The following LIFR variants were observed in gnomAD, a reference collection of about 807,000 sequenced individuals.
The protein encoded by LIFR is LIF receptor subunit alpha, also known as leukemia inhibitory factor receptor.
Under a neutral mutation model 122.2 loss-of-function variants are expected in LIFR, and 84 were observed. The ratio of observed to expected loss-of-function variants is 0.69; its 90% CI spans 0.58 to 0.82. The LOEUF (loss-of-function observed/expected upper bound fraction) is 0.82. Among genes scored for constraint, LIFR ranks in the 40% least tolerant of loss-of-function variants. The pLI, the probability that LIFR is intolerant of heterozygous loss-of-function variation, is 0.00. For synonymous variants in LIFR, 422 were observed against 434.7 expected (o/e 0.97, Z 0.36); for missense variants, 1,294 against 1,311.6 (o/e 0.99, Z 0.21).
chr5:38,601,888 C>T (rs1307205646), intron 2 of LIFR, among the ~76,000 whole-genome samples: 5 of 152,128 alleles, frequency 3.3e-5, no homozygotes, highest in African/African-American at 7.2e-5. Context: ...TTCTCTTCTC[C>T]CCAAGCTGAC....
intron 1 of LIFR, among the ~76,000 whole-genome samples, chr5:38,539,030 G>A (rs1747441877): frequency 2.0e-5 from 3 of 151,792 alleles, no homozygotes; most frequent in African/African-American, 2.4e-5. Context: ...GCGCGATCTC[G>A]GCTCACTGCA....
upstream of LIFR, among the ~76,000 whole-genome samples, chr5:38,598,004 G>T (rs1409615501): frequency 6.6e-6 from 1 of 151,690 alleles, no homozygotes; most frequent in South Asian, 2.1e-4. Context: ...GTCTAAAAAG[G>T]CTCCTTAGGA....
At chr5:38,504,234 A>G (rs1745332818) in intron 9 of LIFR, 113 bp from the exon 10 acceptor site, 1 of 723,572 alleles carries the variant, frequency 1.4e-6, no homozygotes, top group South Asian at 1.6e-5. Flanking sequence ...AGTGCTGACC[A>G]ACAACATCCT....
At chr5:38,544,839 C>A (rs780135684) in intron 1 of LIFR, among the ~76,000 whole-genome samples, 4 of 151,990 alleles carry the variant, frequency 2.6e-5, no homozygotes, top group Non-Finnish European at 4.4e-5. Context: ...AGCGCTATAG[C>A]CCCCAAGAGC....
intron 2 of LIFR, 29 bp from the exon 3 acceptor site, chr5:38,528,869 CACACACACAGACACACAT>C: frequency 3.5e-6 from 2 of 568,934 alleles, no homozygotes; most frequent in Non-Finnish European, 5.3e-6. Flanking sequence ...CACACACACA[CACACACACAGACACACAT>C]AAACACAGAA....
In LIFR at chr5:38,523,480, C is replaced by A. The variant is rs749292272; in HGVS notation, c.500G>T (p.Arg167Leu). The A allele has an allele frequency of 3.7e-6, 6 of 1,613,196 alleles. No homozygotes were observed. Among genetic ancestry groups the A allele is most frequent in the Non-Finnish European group, 8.5e-7 (1 of 1,179,614 alleles). Residue 167 changes from arginine to leucine, a missense_variant, in exon 5 of 20, where the codon CGC becomes CTC. Coordinates refer to ENST00000453190, the MANE Select transcript of LIFR (RefSeq NM_001127671.2). Reference protein sequence around the residue: ...WNDRGSVFPHRSNVIWEIKVL... With the variant: ...WNDRGSVFPHLSNVIWEIKVL... ...TTTAATTTCCCAGATAACATTTGAG[C>A]GGTGTGGAAAAACTGAACCCCTGTC... is the stretch of plus-strand genomic sequence containing the variant.
chr5:38,499,582 AC>A lies in LIFR; in HGVS notation c.1601del (p.Ser534IlefsTer19). On this transcript the variant is annotated frameshift_variant and splice_region_variant, in exon 12 of 20. Transcript: ENST00000453190. LOFTEE classifies it high-confidence loss of function. ...NKKQHLTTEA[S>X]PSKGPDTWRE... ...TCCAAGTATCAGGCCCCTTTGAAGG[AC>A]CTAAAAAGGAGATTTTAAAGTTAAT... The A allele has an allele frequency of 1.2e-6, 2 of 1,602,580 alleles. No homozygotes were observed. The highest frequency in any genetic ancestry group is 2.2e-5 in the South Asian group (2 of 90,840).
In LIFR at chr5:38,504,032, T is replaced by G; in HGVS notation, c.1381A>C (p.Lys461Gln). Residue 461 changes from lysine to glutamine, a missense_variant, in exon 10 of 20, where the codon AAG (lysine) becomes CAG (glutamine). By Grantham distance (53) the Lys-to-Gln change is moderately conservative. Transcript: ENST00000453190. ...LSWHLPGNFA[K>Q]INFLCEIEIK... Reference sequence around the variant, plus strand: ...TCAATTTCACATAAAAAATTAATCTTTGCAAAGTTGCCTGGTAAATGCCAA... The same window carrying G: ...TCAATTTCACATAAAAAATTAATCTGTGCAAAGTTGCCTGGTAAATGCCAA... 6.3e-7 allele frequency: 1 copy of G among 1,591,638 alleles called. No individual in the cohort carries two copies. The highest frequency in any genetic ancestry group is 8.6e-7 in the Non-Finnish European group (1 of 1,159,780).
At chr5:38,543,106 A>C (rs1288940143) in intron 1 of LIFR, among the ~76,000 whole-genome samples, 2 of 152,262 alleles carry the variant, frequency 1.3e-5, no homozygotes, top group East Asian at 3.9e-4. Context: ...CATACTAAGA[A>C]ATATAAATAG....
At chr5:38,569,851 T>G (rs1749153200) in intron 1 of LIFR, among the ~76,000 whole-genome samples, 1 of 152,230 alleles carries the variant, frequency 6.6e-6, no homozygotes, top group Admixed American at 6.5e-5. Context: ...TAATATTCAT[T>G]TCATTCTGCC....
At chr5:38,529,520 A>G (rs1043403685) in intron 2 of LIFR, among the ~76,000 whole-genome samples, 3 of 152,182 alleles carry the variant, frequency 2.0e-5, no homozygotes, top group Non-Finnish European at 4.4e-5. Flanking sequence ...ACAATTCAGA[A>G]GATTACAATC....
At chr5:38,493,540 A>G in intron 14 of LIFR, 66 bp downstream of exon 14, 1 of 1,438,230 alleles carries the variant, frequency 7.0e-7, no homozygotes, top group Non-Finnish European at 9.8e-7. Flanking sequence ...CACTGCACCC[A>G]GTCTTACGTG....
chr5:38,491,496 C>A (rs1203372166), intron 14 of LIFR, among the ~76,000 whole-genome samples: 1 of 152,178 alleles, frequency 6.6e-6, no homozygotes, highest in Non-Finnish European at 1.5e-5. Flanking sequence ...CAATTAGATG[C>A]TCATCAGTGG....
intron 18 of LIFR, among the ~76,000 whole-genome samples, chr5:38,483,514 CT>C (rs1561129842): frequency 6.6e-6 from 1 of 152,052 alleles, no homozygotes; most frequent in Non-Finnish European, 1.5e-5. Context: ...CTCCAACTCC[CT>C]GGTTCAAGTG....
In LIFR at chr5:38,484,876, G is replaced by C. The variant is rs199875123; in HGVS notation, c.2498-8C>G. 1.9e-6 allele frequency: 3 copies of C among 1,592,944 alleles called. No homozygotes were observed. The highest frequency in any genetic ancestry group is 1.3e-5 in the African/African-American group (1 of 74,574). On this transcript the variant is annotated splice_region_variant and splice_polypyrimidine_tract_variant and intron_variant, in intron 17 of 19. Transcript: ENST00000453190. ...CAATAATTAATCCCACAGCTGAAACGAGAGTATTGCAAATATTAAAATCGC... is the reference window on the plus strand; with the variant it reads ...CAATAATTAATCCCACAGCTGAAACCAGAGTATTGCAAATATTAAAATCGC...
chr5:38,527,384 T>C (rs1746748137), intron 3 of LIFR, 90 bp from the exon 4 acceptor site: 2 of 806,410 alleles, frequency 2.5e-6, no homozygotes, highest in East Asian at 2.7e-5. Flanking sequence ...CAATGGAAAA[T>C]ACTTTATGCC....
chr5:38,515,210 G>A (rs1342765989), intron 5 of LIFR, among the ~76,000 whole-genome samples: 2 of 152,174 alleles, frequency 1.3e-5, no homozygotes, highest in South Asian at 4.2e-4. Context: ...GGGGCTACTG[G>A]AGCCTCTGTG....
intron 14 of LIFR, among the ~76,000 whole-genome samples, chr5:38,492,764 C>T (rs1015879992): frequency 1.2e-4 from 19 of 152,170 alleles, no homozygotes; most frequent in Admixed American, 1.1e-3. Flanking sequence ...ACTTCCCTAA[C>T]ACGCGAGGGA....
intron 1 of LIFR, chr5:38,530,909 T>C (rs1023933759): frequency 4.7e-5 from 20 of 424,194 alleles, no homozygotes; most frequent in Non-Finnish European, 8.5e-6. Context: ...TTAAAGATCA[T>C]AACTATAATT....
Sources: allele counts gnomAD v4.1 joint callset (sites outside exome capture counted in the v4.1 genomes callset), GRCh38; gene constraint gnomAD v4.1.1; transcripts MANE v1.5; gene names NCBI Gene and HGNC (gene_info 2026-07-23, HGNC 2026-07-21).